Variants in ABR observed in about 807,000 individuals in gnomAD.
ABR encodes the protein ABR activator of RhoGEF and GTPase.
Under a neutral mutation model 107.2 loss-of-function variants are expected in ABR, and 35 were observed. The ratio of observed to expected loss-of-function variants is 0.33; its 90% CI spans 0.25 to 0.43. The LOEUF (loss-of-function observed/expected upper bound fraction) is 0.43, where lower values mean the gene tolerates loss of function less well. Among genes scored for constraint, ABR ranks in the 20% least tolerant of loss-of-function variants. The pLI is 1.00. For missense variants in ABR, 815 were observed against 1,115.2 expected, an observed-to-expected ratio of 0.73 and a Z score of 3.83; for synonymous variants, 498 against 462.0, an observed-to-expected ratio of 1.08 and a Z score of -1.00.
intron 16 of ABR, among the ~76,000 whole-genome samples, chr17:1,038,763 G>A (rs1196559084): frequency 3.3e-5 from 5 of 152,240 alleles, no homozygotes; most frequent in South Asian, 2.1e-4. Context: ...GGTGACCCCC[G>A]CTCAGCATTC....
At chr17:1,168,714 CACA>C (rs1267907796) in intron 1 of ABR, among the ~76,000 whole-genome samples, 1 of 152,310 alleles carries the variant, frequency 6.6e-6, no homozygotes, top group East Asian at 1.9e-4. Context: ...GGCAGGCACC[CACA>C]ACAAGGGCCT....
intron 6 of ABR, among the ~76,000 whole-genome samples, chr17:1,076,714 CGGGGGGGGTGGGGGT>C (rs1240029537): frequency 7.1e-5 from 3 of 42,140 alleles, no homozygotes. Context: ...GGCAGGTGCA[CGGGGGGGGTGGGGGT>C]GGGGGGGGTG....
intron 1 of ABR, among the ~76,000 whole-genome samples, chr17:1,215,993 C>T (rs1231074961): frequency 7.4e-6 from 1 of 135,652 alleles, no homozygotes; most frequent in Non-Finnish European, 1.6e-5. Flanking sequence ...CGTTAAGAGT[C>T]ATCACCAATC....
chr17:1,044,779 C>T (rs930223028), intron 16 of ABR, among the ~76,000 whole-genome samples: 8 of 152,176 alleles, frequency 5.3e-5, no homozygotes, highest in African/African-American at 1.7e-4. Context: ...TGGGACCCTC[C>T]CTTCACATTC....
intron 16 of ABR, among the ~76,000 whole-genome samples, chr17:1,047,444 C>T (rs1009741595): frequency 2.5e-4 from 38 of 152,338 alleles, no homozygotes; most frequent in African/African-American, 8.9e-4. Flanking sequence ...GCGAGACTTT[C>T]TAAGCCACAG....
chr17:1,182,220 A>C (rs2042157321), upstream of ABR: 1 of 152,126 alleles, frequency 6.6e-6, no homozygotes, highest in South Asian at 2.1e-4. Flanking sequence ...CACTAGCGTG[A>C]TCTCACCGTG....
chr17:1,079,555 G>A (rs569584670), intron 5 of ABR, among the ~76,000 whole-genome samples, 165 bp from the exon 6 acceptor site: 39 of 152,200 alleles, frequency 2.6e-4, no homozygotes, highest in Admixed American at 9.2e-4. Context: ...TTGAGAGGCC[G>A]TGGTGGGCGG....
intron 1 of ABR, among the ~76,000 whole-genome samples, chr17:1,214,165 A>G (rs1478912832): frequency 6.6e-6 from 1 of 152,050 alleles, no homozygotes; most frequent in Admixed American, 6.6e-5. Context: ...GATTACAGGC[A>G]TGAGCCACCG....
intron 16 of ABR, among the ~76,000 whole-genome samples, chr17:1,017,944 A>G (rs915738916): frequency 6.6e-5 from 10 of 151,830 alleles, no homozygotes; most frequent in Non-Finnish European, 1.5e-5. Context: ...TGTGCCGTCC[A>G]GGCTGCTATG....
chr17:1,201,737 G>A (rs898986853), intron 1 of ABR, among the ~76,000 whole-genome samples: 6 of 151,998 alleles, frequency 3.9e-5, no homozygotes, highest in Non-Finnish European at 7.4e-5. Flanking sequence ...GTGCAGTGGC[G>A]TGATCTCTGG....
chr17:1,185,654 TAAAAAAAAAAAAA>T (rs775804045), intron 1 of ABR, among the ~76,000 whole-genome samples: 4 of 39,352 alleles, frequency 1.0e-4, no homozygotes, highest in South Asian at 8.5e-4. Flanking sequence ...CAGAAAGAAA[TAAAAAAAAAAAAA>T]AAAAAAAAAA....
At chr17:1,059,186 G>A (rs551739908) in intron 10 of ABR, among the ~76,000 whole-genome samples, 44 of 152,120 alleles carry the variant, frequency 2.9e-4, no homozygotes, top group African/African-American at 1.0e-3. Flanking sequence ...TCTGCCCCAC[G>A]TCACCCAGGG....
At chr17:1,193,614 C>T (rs2042483938) in intron 1 of ABR, among the ~76,000 whole-genome samples, 1 of 152,116 alleles carries the variant, frequency 6.6e-6, no homozygotes, top group South Asian at 2.1e-4. Flanking sequence ...AGGAAGAGCT[C>T]GGTTTCCAGC....
chr17:1,008,012 C>T (rs776266530), intron 21 of ABR, among the ~76,000 whole-genome samples: 31 of 152,206 alleles, frequency 2.0e-4, no homozygotes, highest in Non-Finnish European at 8.8e-5. Flanking sequence ...AGGTCGGCCT[C>T]GTGGGACCCA....
intron 2 of ABR, chr17:1,108,926 G>C: frequency 6.3e-7 from 1 of 1,586,544 alleles, no homozygotes; most frequent in Non-Finnish European, 8.6e-7. Flanking sequence ...GGCGTGTCAC[G>C]CTCCCACCTT....
rs1005675649 is a variant in ABR, at chr17:1,051,035, C to A, written c.1562-401G>T. Among the ~76,000 whole-genome samples, 2 of 152,246 alleles carry A rather than the reference C, an allele frequency of 1.3e-5. No homozygotes were observed. The highest frequency in any genetic ancestry group is 3.4e-3 in the Middle Eastern group (1 of 294). On this transcript the variant is annotated intron_variant, in intron 14 of 22. Transcript: ENST00000302538. This position sits in a 1 kb window ranked among gnomAD's most constrained non-coding sequence, Gnocchi z 4.3. ...ACGACACCACAAACTCTTCACTGACCGCCCTGGAGCCACCTCTCCCCGTAA... is the reference window on the plus strand; with the variant it reads ...ACGACACCACAAACTCTTCACTGACAGCCCTGGAGCCACCTCTCCCCGTAA...
At chr17:1,226,334 T>C (rs948152133) in intron 1 of ABR, among the ~76,000 whole-genome samples, 1 of 152,178 alleles carries the variant, frequency 6.6e-6, no homozygotes, top group Non-Finnish European at 1.5e-5. Flanking sequence ...GGGCTCTTTC[T>C]CCTAGATTGT....
intron 1 of ABR, among the ~76,000 whole-genome samples, chr17:1,168,464 GCA>G (rs1483908297): frequency 6.6e-6 from 1 of 152,202 alleles, no homozygotes; most frequent in Non-Finnish European, 1.5e-5. Context: ...GATCCTTGGA[GCA>G]CAGAGCTTTG....
intron 1 of ABR, among the ~76,000 whole-genome samples, chr17:1,133,262 G>A (rs1457986358): frequency 6.7e-6 from 1 of 149,040 alleles, no homozygotes; most frequent in African/African-American, 2.4e-5. Flanking sequence ...AAAAAAAGTT[G>A]GCCCAACTTT....
Sources: allele counts gnomAD v4.1 joint callset (sites outside exome capture counted in the v4.1 genomes callset), GRCh38; gene constraint gnomAD v4.1.1; non-coding constraint Gnocchi (gnomAD v3.1); transcripts MANE v1.5; gene names NCBI Gene and HGNC (gene_info 2026-07-23, HGNC 2026-07-21).